The following RBM33 variants were observed in gnomAD, a reference collection of about 807,000 sequenced individuals.
RBM33 encodes the protein RNA binding motif protein 33.
RBM33 carries 28 observed loss-of-function variants against 132.6 expected under a neutral mutation model. The ratio of observed to expected loss-of-function variants is 0.21; its 90% CI spans 0.16 to 0.29. The LOEUF is 0.29. Ranked by LOEUF, RBM33 falls within the 10% of genes least tolerant of loss-of-function variation. RBM33 has a pLI of 1.00. For synonymous variants in RBM33, 634 were observed against 593.0 expected, an observed-to-expected ratio of 1.07 and a Z score of -1.01; for missense variants, 1,291 against 1,518.5, an observed-to-expected ratio of 0.85 and a Z score of 2.49.
chr7:155,713,286 T>G (rs1427105666), intron 8 of RBM33, among the ~76,000 whole-genome samples: 1 of 152,022 alleles, frequency 6.6e-6, no homozygotes, highest in Non-Finnish European at 1.5e-5. Flanking sequence ...GGGTTTGGGC[T>G]CAAAGTACAG....
intron 3 of RBM33, among the ~76,000 whole-genome samples, chr7:155,675,510 T>TA (rs1799158469): frequency 6.6e-6 from 1 of 152,088 alleles, no homozygotes; most frequent in South Asian, 2.1e-4. Context: ...GACTTTTTTT[T>TA]AAACCCTTTT....
chr7:155,665,263 C>G lies in RBM33; in HGVS notation c.122+10C>G, dbSNP rs761001813. On this transcript the variant is annotated intron_variant, in intron 2 of 17. Transcript: ENST00000401878. ...ATGAGGACTGGGACAGGTACGTGCA[C>G]CCTGTGCTTCACCTAACTGCCTGTG... 4 of 1,611,736 alleles carry G rather than the reference C, an allele frequency of 2.5e-6. No homozygotes were observed. The South Asian group carries it at 4.4e-5, about 18-fold the overall frequency.
Position 155,718,457 on chromosome 7 carries a change from G to A in RBM33, c.1260+14G>A, listed in dbSNP as rs758410376. 5.0e-6 allele frequency: 8 copies of A among 1,611,402 alleles called. No homozygotes were observed. The highest frequency in any genetic ancestry group is 6.8e-6 in the Non-Finnish European group (8 of 1,177,808). On this transcript the variant is annotated intron_variant, in intron 9 of 17. Coordinates refer to ENST00000401878, the MANE Select transcript of RBM33 (RefSeq NM_053043.3). ...CAGAGATTCCCAGTGAGTAGCAGCT[G>A]CTCCTTCTCCTTTGATAGGGATGAG...
At chr7:155,715,304 A>G (rs1800429262) in intron 8 of RBM33, among the ~76,000 whole-genome samples, 1 of 152,220 alleles carries the variant, frequency 6.6e-6, no homozygotes. Context: ...AATTTTGCTT[A>G]TGCTAGCATC....
chr7:155,665,132 A>T, intron 1 of RBM33, 43 bp from the exon 2 acceptor site: 1 of 1,544,450 alleles, frequency 6.5e-7, no homozygotes, highest in Non-Finnish European at 9.0e-7. Context: ...CATTGTGTCT[A>T]TTTTAACTTA....
chr7:155,760,065 T>C (rs543754586), intron 14 of RBM33, among the ~76,000 whole-genome samples: 8 of 152,340 alleles, frequency 5.3e-5, no homozygotes, highest in African/African-American at 1.7e-4. Context: ...TAATCTCTCT[T>C]AGCACATTCA....
At chr7:155,722,726 T>C (rs777918173) in intron 9 of RBM33, among the ~76,000 whole-genome samples, 1 of 152,234 alleles carries the variant, frequency 6.6e-6, no homozygotes, top group Non-Finnish European at 1.5e-5. Flanking sequence ...CTAGTTTTTC[T>C]GTGCAATTGC....
At chr7:155,659,575 AAC>A in intron 1 of RBM33, among the ~76,000 whole-genome samples, 1 of 152,270 alleles carries the variant, frequency 6.6e-6, no homozygotes, top group Middle Eastern at 3.4e-3. Flanking sequence ...CATAAAAATG[AAC>A]AGAGTCTAAA....
chr7:155,645,228 TC>T (rs1433113326), intron 1 of RBM33: 1 of 323,764 alleles, frequency 3.1e-6, no homozygotes, highest in African/African-American at 2.2e-5. Context: ...CGGCCTGGTG[TC>T]CTATGGGTAG....
At chr7:155,653,503 G>A (rs1798410896) in intron 1 of RBM33, among the ~76,000 whole-genome samples, 1 of 151,970 alleles carries the variant, frequency 6.6e-6, no homozygotes, top group Admixed American at 6.6e-5. Flanking sequence ...ATAGCTTTGG[G>A]GTGGGGGCTT....
chr7:155,671,052 T>G (rs1374310882), intron 2 of RBM33, among the ~76,000 whole-genome samples: 3 of 152,186 alleles, frequency 2.0e-5, no homozygotes, highest in African/African-American at 7.2e-5. Flanking sequence ...CCATTTTTAG[T>G]TACTTAAGGT....
chr7:155,718,436 G>C lies in RBM33; in HGVS notation c.1253G>C (p.Arg418Thr). Residue 418 changes from arginine to threonine, a missense_variant, in exon 9 of 18, where the codon AGA becomes ACA. Physicochemically the swap from Arg to Thr is moderately conservative, Grantham distance 71. Around this residue, in one of 7 missense-constraint regions of RBM33, gnomAD observed 841 missense variants for 912.0 expected, o/e 0.92. Transcript: ENST00000401878. Reference protein sequence around the residue: ...SQPRPAVGPQRFPGPPEFPQH... With the variant: ...SQPRPAVGPQTFPGPPEFPQH... ...CCGAGACCTGCCGTGGGACCCCAGA[G>C]ATTCCCAGTGAGTAGCAGCTGCTCC... The C allele has an allele frequency of 6.2e-7, 1 of 1,613,734 alleles. No homozygotes were observed. Among genetic ancestry groups the C allele is most frequent in the Non-Finnish European group, 8.5e-7 (1 of 1,179,740 alleles).
chr7:155,702,113 C>T (rs1799982964), intron 6 of RBM33, among the ~76,000 whole-genome samples: 1 of 152,204 alleles, frequency 6.6e-6, no homozygotes, highest in Admixed American at 6.5e-5. Flanking sequence ...AGGGGCTCTG[C>T]CTGCCATCTG....
At chr7:155,664,673 A>G (rs1485633737) in intron 1 of RBM33, among the ~76,000 whole-genome samples, 3 of 152,170 alleles carry the variant, frequency 2.0e-5, no homozygotes, top group African/African-American at 2.4e-5. Context: ...CCTTTTATAA[A>G]TGTGGCTACT....
intron 6 of RBM33, among the ~76,000 whole-genome samples, chr7:155,702,777 A>G (rs1191401704): frequency 3.3e-5 from 5 of 152,236 alleles, no homozygotes; most frequent in Non-Finnish European, 5.9e-5. Flanking sequence ...AGTCATCACT[A>G]CTGCTTCTTT....
At chr7:155,646,390 A>G (rs1798194280) in intron 1 of RBM33, among the ~76,000 whole-genome samples, 1 of 152,248 alleles carries the variant, frequency 6.6e-6, no homozygotes, top group African/African-American at 2.4e-5. Context: ...TTTTAGAAGA[A>G]TAAGTAGGCT....
intron 6 of RBM33, among the ~76,000 whole-genome samples, chr7:155,702,833 A>T (rs940342549): frequency 9.9e-5 from 15 of 152,238 alleles, no homozygotes; most frequent in Non-Finnish European, 1.9e-4. Context: ...ACATACATTT[A>T]AAACATGATG....
intron 1 of RBM33, among the ~76,000 whole-genome samples, chr7:155,655,563 G>A (rs1396820428): frequency 2.0e-5 from 1 of 49,136 alleles, no homozygotes; most frequent in African/African-American, 8.1e-5. Context: ...TTTTTTTACT[G>A]TGCTGACATT....
intron 9 of RBM33, among the ~76,000 whole-genome samples, chr7:155,724,988 G>GTTTTTTTTT (rs148975210): frequency 1.7e-5 from 2 of 117,222 alleles, no homozygotes; most frequent in African/African-American, 8.2e-5. Context: ...TTGTGTACAG[G>GTTTTTTTTT]TTTGTGTGTG....
Sources: gnomAD v4.1 joint callset for allele counts (sites outside exome capture counted in the v4.1 genomes callset) on GRCh38, gnomAD v4.1.1 for gene constraint, gnomAD v4.1.1 regional missense constraint, MANE v1.5 for transcripts, NCBI Gene and HGNC (gene_info 2026-07-23, HGNC 2026-07-21) for gene names.